The following PUS10 variants were observed in gnomAD, a reference collection of about 807,000 sequenced individuals.
PUS10 encodes the protein pseudouridine synthase 10, also known as tRNA pseudouridine synthase Pus10.
A neutral mutation model predicts 75.0 loss-of-function variants in PUS10; 59 were observed. The ratio of observed to expected loss-of-function variants is 0.79; its 90% CI spans 0.64 to 0.98. The LOEUF (loss-of-function observed/expected upper bound fraction) is 0.98, where lower values mean the gene tolerates loss of function less well. Ranked by LOEUF, PUS10 falls within the 50% of genes least tolerant of loss-of-function variation. The pLI, the probability that PUS10 is intolerant of heterozygous loss-of-function variation, is 0.00. For synonymous variants in PUS10, 219 were observed against 211.6 expected, an observed-to-expected ratio of 1.03 and a Z score of -0.30; for missense variants, 650 against 614.4, an observed-to-expected ratio of 1.06 and a Z score of -0.61.
intron 1 of PUS10, chr2:61,017,782 C>A (rs948971918): frequency 1.3e-6 from 2 of 1,550,186 alleles, no homozygotes; most frequent in East Asian, 2.4e-5. Flanking sequence ...CCGCCACCTC[C>A]CCCCAAACCC....
chr2:60,973,973 G>A (rs545619079), intron 4 of PUS10, among the ~76,000 whole-genome samples: 157 of 152,294 alleles, frequency 1.0e-3, no homozygotes, highest in African/African-American at 3.6e-3. Context: ...AGGACGACCT[G>A]CCTGCAGAGA....
intron 11 of PUS10, 31 bp downstream of exon 11, chr2:60,960,360 AG>A (rs369679040): frequency 4.7e-5 from 68 of 1,442,326 alleles, no homozygotes; most frequent in Admixed American, 2.8e-4. Flanking sequence ...AAAAAAAAAA[AG>A]AAAGAAAAGT....
At chr2:61,005,834 C>T (rs1254433129) in intron 4 of PUS10, among the ~76,000 whole-genome samples, 1 of 152,170 alleles carries the variant, frequency 6.6e-6, no homozygotes, top group Admixed American at 6.5e-5. Flanking sequence ...AATAAACATG[C>T]TCACCCAAAG....
chr2:60,975,666 C>CAAAAAAA (rs1160640734), intron 4 of PUS10, among the ~76,000 whole-genome samples: 1 of 79,476 alleles, frequency 1.3e-5, no homozygotes. Flanking sequence ...AGGGAGCATT[C>CAAAAAAA]AAAAAAAAAA....
chr2:60,956,771 C>G (rs901655705), intron 11 of PUS10, among the ~76,000 whole-genome samples: 1 of 151,772 alleles, frequency 6.6e-6, no homozygotes, highest in Non-Finnish European at 1.5e-5. Flanking sequence ...GTCAGAAGAT[C>G]GAGACCATCC....
intron 4 of PUS10, among the ~76,000 whole-genome samples, chr2:60,991,698 A>G (rs761291965): frequency 6.6e-6 from 1 of 152,372 alleles, no homozygotes; most frequent in Middle Eastern, 3.4e-3. Context: ...CTGTAAATGC[A>G]TAACTTCTAA....
At chr2:60,973,043 T>C (rs1342414345) in intron 4 of PUS10, among the ~76,000 whole-genome samples, 1 of 152,206 alleles carries the variant, frequency 6.6e-6, no homozygotes, top group African/African-American at 2.4e-5. Flanking sequence ...GGGACCCCTG[T>C]GCTCCACATC....
intron 2 of PUS10, chr2:61,009,839 T>G (rs1205066377): frequency 6.6e-6 from 1 of 152,302 alleles, no homozygotes; most frequent in Non-Finnish European, 1.5e-5. Flanking sequence ...AAAAAATCTT[T>G]CACTCAAACA....
chr2:60,960,117 G>A (rs1202379349), intron 11 of PUS10, among the ~76,000 whole-genome samples: 3 of 144,696 alleles, frequency 2.1e-5, no homozygotes, highest in African/African-American at 7.7e-5. Flanking sequence ...GGGAGATTGA[G>A]GCTGCACTCC....
chr2:61,012,592 C>G (rs1014609512), intron 1 of PUS10, among the ~76,000 whole-genome samples: 1 of 149,530 alleles, frequency 6.7e-6, no homozygotes, highest in African/African-American at 2.5e-5. Flanking sequence ...TTTGGGAGGC[C>G]GAGGGTGGAT....
rs554606046 is a variant in PUS10 at position 60,979,508 on chromosome 2, T to C, written c.469-7951A>G. ...ACCACTGTTTGATCTACCACTTAGT[T>C]GACTCTTGCACCACCACCATCTCCT... On this transcript the variant is annotated intron_variant, in intron 4 of 17. Transcript: ENST00000316752. Among the ~76,000 whole-genome samples, 5 of 152,256 alleles carry C rather than the reference T, an allele frequency of 3.3e-5. No individual in the cohort carries two copies. The East Asian group carries it at 9.6e-4, about 29-fold the overall frequency.
Position 61,018,002 on chromosome 2 carries a change from G to C in PUS10, c.-16+6C>G, listed in dbSNP as rs1298458284. ...ATAGGGGCCGAGGTGGAGCTGGGGCGCTTACCAGTGGGGACTTTAGTGTCT... is the reference window on the plus strand; with the variant it reads ...ATAGGGGCCGAGGTGGAGCTGGGGCCCTTACCAGTGGGGACTTTAGTGTCT... On this transcript the variant is annotated splice_donor_region_variant and intron_variant, in intron 1 of 17. Transcript: ENST00000316752. 2.2e-6 allele frequency: 3 copies of C among 1,333,460 alleles called. No homozygotes were observed. The highest frequency in any genetic ancestry group is 5.0e-5 in the East Asian group (2 of 39,770). The allele number at this position is 1,333,460 out of a possible 1,614,324, so 82.6% of individuals were successfully genotyped here.
At chr2:60,973,777 G>A (rs571160781) in intron 4 of PUS10, among the ~76,000 whole-genome samples, 1 of 152,384 alleles carries the variant, frequency 6.6e-6, no homozygotes, top group Admixed American at 6.5e-5. Context: ...GACAGGAGTA[G>A]GAACTTGTGG....
At chr2:60,981,810 G>T (rs1677412836) in intron 4 of PUS10, among the ~76,000 whole-genome samples, 1 of 151,926 alleles carries the variant, frequency 6.6e-6, no homozygotes, top group African/African-American at 2.4e-5. Flanking sequence ...CATAGCCTCT[G>T]GAAAACTCCA....
At chr2:60,974,213 T>C (rs1230838130) in intron 4 of PUS10, among the ~76,000 whole-genome samples, 2 of 41,254 alleles carry the variant, frequency 4.8e-5, no homozygotes, top group Admixed American at 2.4e-4. Flanking sequence ...TAAAGCTCCT[T>C]TTTTTTTTTT....
chr2:60,978,628 C>A (rs1386145117), intron 4 of PUS10, among the ~76,000 whole-genome samples: 1 of 151,976 alleles, frequency 6.6e-6, no homozygotes, highest in African/African-American at 2.4e-5. Context: ...TGGACCCATA[C>A]TAAGGGGTTT....
intron 10 of PUS10, 115 bp from the exon 11 acceptor site, chr2:60,960,632 G>A (rs1252149870): frequency 2.2e-6 from 2 of 916,278 alleles, no homozygotes; most frequent in East Asian, 6.1e-5. Context: ...TATAAAACAA[G>A]GCCTATCCTT....
intron 9 of PUS10, 152 bp from the exon 10 acceptor site, chr2:60,961,700 A>ATT: frequency 1.5e-6 from 1 of 672,408 alleles, no homozygotes; most frequent in African/African-American, 1.8e-5. Context: ...AGGCCTGTGG[A>ATT]GTAACAATTT....
At chr2:61,017,620 C>T in intron 1 of PUS10, 2 of 623,608 alleles carry the variant, frequency 3.2e-6, no homozygotes, top group Non-Finnish European at 5.6e-6. Context: ...GGCAAAGTAA[C>T]TCAAGCCTTG....
Sources: allele counts gnomAD v4.1 joint callset (sites outside exome capture counted in the v4.1 genomes callset), GRCh38; gene constraint gnomAD v4.1.1; transcripts MANE v1.5; gene names NCBI Gene and HGNC (gene_info 2026-07-23, HGNC 2026-07-21).